FLVCR1: variants seen among roughly 807,000 people sequenced by gnomAD.
The protein encoded by FLVCR1 is FLVCR choline and heme transporter 1.
Under a neutral mutation model 53.6 loss-of-function variants are expected in FLVCR1, and 34 were observed. That is an observed-to-expected ratio of 0.63 (90% CI 0.48 to 0.84). The LOEUF is 0.84. FLVCR1 is among the 40% of genes least tolerant of loss of function. The pLI is 0.00. For missense variants in FLVCR1, 677 were observed against 696.7 expected (o/e 0.97, Z 0.32); for synonymous variants, 300 against 286.3 (o/e 1.05, Z -0.48).
intron 2 of FLVCR1, among the ~76,000 whole-genome samples, chr1:212,868,407 CTTTATTTTAT>C (rs574364362): frequency 6.6e-6 from 1 of 151,752 alleles, no homozygotes; most frequent in Non-Finnish European, 1.5e-5. Flanking sequence ...TATCTATAAA[CTTTATTTTAT>C]TTTATTTTAT....
chr1:212,870,623 A>T (rs868675456), intron 2 of FLVCR1, among the ~76,000 whole-genome samples: 1 of 151,612 alleles, frequency 6.6e-6, no homozygotes, highest in Non-Finnish European at 1.5e-5. Context: ...ATAGCCAATT[A>T]AAAAAAAATC....
chr1:212,863,554 A>G (rs951559323), intron 1 of FLVCR1, 171 bp from the exon 2 acceptor site: 3 of 599,022 alleles, frequency 5.0e-6, no homozygotes, highest in South Asian at 2.0e-5. Context: ...GCGTCACTGC[A>G]CTCCAGCCTG....
At chr1:212,895,091 T>G in intron 9 of FLVCR1, 38 bp downstream of exon 9, 3 of 1,389,176 alleles carry the variant, frequency 2.2e-6, no homozygotes, top group Non-Finnish European at 3.1e-6. Context: ...TTGAGAAGTA[T>G]GTATAGAATA....
chr1:212,864,396 A>C (rs1572008220), intron 2 of FLVCR1: 1 of 162,412 alleles, frequency 6.2e-6, no homozygotes, highest in Non-Finnish European at 1.4e-5. Context: ...TTGTTAGGCC[A>C]CTCCAGCAAA....
intron 1 of FLVCR1, 66 bp downstream of exon 1, chr1:212,859,256 G>C: frequency 6.2e-7 from 1 of 1,609,298 alleles, no homozygotes; most frequent in Non-Finnish European, 8.5e-7. Context: ...TAGGCCGTGA[G>C]AACTATGGCC....
In FLVCR1 at chr1:212,858,636, G is replaced by A. The variant is rs747698371; in HGVS notation, c.184G>A (p.Gly62Arg). The change falls in exon 1 of 10, where the codon GGA becomes AGA. Residue 62 changes from glycine (G) to arginine (R), a missense_variant. By Grantham distance (125) the Gly-to-Arg change is moderately radical. Transcript: ENST00000366971. Reference sequence around the variant, plus strand: ...CCGGGACAGCCTCGCTGCCGCCTCGGGAGTTCTGGGCGGGCCTCAGACTCC... The same window carrying A: ...CCGGGACAGCCTCGCTGCCGCCTCGAGAGTTCTGGGCGGGCCTCAGACTCC... ...APRDSLAAAS[G>R]VLGGPQTPLA... 1 of 1,537,034 alleles carries A rather than the reference G, an allele frequency of 6.5e-7. No homozygotes were observed. Among genetic ancestry groups the A allele is most frequent in the South Asian group, 1.2e-5 (1 of 84,222 alleles).
chr1:212,871,770 G>A (rs1664603697), intron 2 of FLVCR1, among the ~76,000 whole-genome samples: 1 of 152,124 alleles, frequency 6.6e-6, no homozygotes, highest in Non-Finnish European at 1.5e-5. Context: ...GATCTTTCCT[G>A]CACAGCAAAA....
At position 212,858,703 on chromosome 1, in the gene FLVCR1, C is replaced by T. The variant is rs1664113426; in HGVS notation, c.251C>T (p.Ala84Val). 1.3e-6 allele frequency: 2 copies of T among 1,592,106 alleles called. No individual in the cohort carries two copies. The highest frequency in any genetic ancestry group is 1.7e-6 in the Non-Finnish European group (2 of 1,171,466). The change falls in exon 1 of 10, where the codon GCG (alanine) becomes GTG (valine). Residue 84 changes from alanine (A) to valine (V), a missense_variant. Physicochemically the swap from Ala to Val is moderately conservative, Grantham distance 64. Coordinates refer to ENST00000366971, the MANE Select transcript of FLVCR1 (RefSeq NM_014053.4). ...EEETQARLLP[A>V]GAGAETPGAE... ...GAGACCCAGGCCCGGCTGCTGCCTG[C>T]GGGCGCGGGAGCTGAGACCCCGGGG...
At chr1:212,862,516 T>G (rs1212435428) in intron 1 of FLVCR1, among the ~76,000 whole-genome samples, 1 of 152,256 alleles carries the variant, frequency 6.6e-6, no homozygotes, top group Non-Finnish European at 1.5e-5. Context: ...TCATTCCTTT[T>G]TAATAGCTGA....
At chr1:212,879,343 G>T (rs1037477553) in intron 3 of FLVCR1, among the ~76,000 whole-genome samples, 3 of 152,108 alleles carry the variant, frequency 2.0e-5, no homozygotes, top group African/African-American at 7.2e-5. Flanking sequence ...TAATGTTTGC[G>T]TGAGGGTCAC....
chr1:212,858,647 C>G lies in FLVCR1; in HGVS notation c.195C>G (p.Gly65=). Residue 65 remains glycine (G), a synonymous_variant, in exon 1 of 10, where the codon GGC becomes GGG. Coordinates refer to ENST00000366971, the MANE Select transcript of FLVCR1 (RefSeq NM_014053.4). ...DSLAAASGVL[G]GPQTPLAPEE... is the part of the protein sequence containing the mutation. ...TCGCTGCCGCCTCGGGAGTTCTGGG[C>G]GGGCCTCAGACTCCACTGGCCCCAG... The G allele has an allele frequency of 6.5e-7, 1 of 1,541,738 alleles. No individual in the cohort carries two copies.
At chr1:212,877,531 G>T (rs11120056) in intron 3 of FLVCR1, among the ~76,000 whole-genome samples, 70,402 of 151,872 alleles carry the variant, frequency 0.46, 17,542 homozygotes, top group East Asian at 0.56. Context: ...CTTTTGAGAA[G>T]TGTTTGTTCA....
chr1:212,888,365 T>C (rs1208697470), intron 6 of FLVCR1, 124 bp from the exon 7 acceptor site: 6 of 745,016 alleles, frequency 8.1e-6, no homozygotes, highest in African/African-American at 1.7e-5. Flanking sequence ...TACTTTGACA[T>C]AGCAACTTCA....
intron 4 of FLVCR1, among the ~76,000 whole-genome samples, chr1:212,884,426 A>G (rs1341936473): frequency 6.6e-6 from 1 of 152,178 alleles, no homozygotes; most frequent in Non-Finnish European, 1.5e-5. Flanking sequence ...AAATACACAC[A>G]CACACAATAT....
chr1:212,888,831 C>T (rs1003853983), intron 7 of FLVCR1, among the ~76,000 whole-genome samples: 1 of 152,044 alleles, frequency 6.6e-6, no homozygotes, highest in Non-Finnish European at 1.5e-5. Flanking sequence ...ACTGCAGGTG[C>T]ACACCAGCAT....
intron 5 of FLVCR1, 172 bp downstream of exon 5, chr1:212,885,568 TGAGACGG>T (rs1665040426): frequency 2.2e-6 from 1 of 459,308 alleles, no homozygotes; most frequent in South Asian, 2.4e-5. Flanking sequence ...TTTTTTTTTT[TGAGACGG>T]AGTCTCGTTC....
At chr1:212,883,830 A>G (rs923681032) in intron 4 of FLVCR1, among the ~76,000 whole-genome samples, 2 of 125,216 alleles carry the variant, frequency 1.6e-5, no homozygotes, top group Non-Finnish European at 1.7e-5. Flanking sequence ...ATAGGTTGCT[A>G]TGAATCTCCT....
chr1:212,863,595 A>AAAAG (rs1364105548), intron 1 of FLVCR1, 130 bp from the exon 2 acceptor site: 3 of 870,042 alleles, frequency 3.4e-6, no homozygotes, highest in Non-Finnish European at 3.6e-6. Flanking sequence ...AAAAAAAAAA[A>AAAAG]AGAACATAAT....
At position 212,863,812 on chromosome 1, in the gene FLVCR1, A is replaced by G; in HGVS notation, c.826A>G (p.Thr276Ala). Reference protein sequence around the residue: ...DTNLLACNISTMFYGTSAVAT... With the variant: ...DTNLLACNISAMFYGTSAVAT... ...AAATCTCCTGGCTTGTAATATCAGC[A>G]CCATGTTTTATGGAACATCAGCTGT... Residue 276 changes from threonine (T) to alanine (A), a missense_variant, in exon 2 of 10, where the codon ACC becomes GCC. Thr to Ala is a moderately conservative substitution (Grantham distance 58). Transcript: ENST00000366971. The G allele has an allele frequency of 6.2e-7, 1 of 1,613,804 alleles. No individual in the cohort carries two copies. The highest frequency in any genetic ancestry group is 1.1e-5 in the South Asian group (1 of 91,082).
Sources: allele counts gnomAD v4.1 joint callset (sites outside exome capture counted in the v4.1 genomes callset), GRCh38; gene constraint gnomAD v4.1.1; transcripts MANE v1.5; gene names NCBI Gene and HGNC (gene_info 2026-07-23, HGNC 2026-07-21).